The following MED12L variants were observed in gnomAD, a reference collection of about 807,000 sequenced individuals.
The protein encoded by MED12L is mediator complex subunit 12L.
In MED12L, 60 loss-of-function variants were observed where a neutral mutation model predicts 281.3. That is an observed-to-expected ratio of 0.21 (90% CI 0.17 to 0.26). The LOEUF (loss-of-function observed/expected upper bound fraction) is 0.26. Among genes scored for constraint, MED12L ranks in the 10% least tolerant of loss-of-function variants. The pLI is 1.00. For missense variants in MED12L, 2,146 were observed against 2,680.9 expected (o/e 0.80, Z 4.41); for synonymous variants, 974 against 987.2 (o/e 0.99, Z 0.25).
chr3:151,342,213 A>G (rs949639280), intron 16 of MED12L, among the ~76,000 whole-genome samples: 6 of 152,240 alleles, frequency 3.9e-5, no homozygotes, highest in South Asian at 2.1e-4. Context: ...AAGTGTTCCT[A>G]TTTCTCCACA....
intron 2 of MED12L, among the ~76,000 whole-genome samples, chr3:151,101,156 C>T (rs947807233): frequency 6.6e-6 from 1 of 152,124 alleles, no homozygotes; most frequent in African/African-American, 2.4e-5. Flanking sequence ...AAGTTAATGT[C>T]GGTTTACCTA....
At chr3:151,265,153 T>C (rs1166851414) in intron 16 of MED12L, among the ~76,000 whole-genome samples, 1 of 152,194 alleles carries the variant, frequency 6.6e-6, no homozygotes, top group East Asian at 1.9e-4. Context: ...CCTAGAGCAG[T>C]ATCTGGCACA....
intron 43 of MED12L, among the ~76,000 whole-genome samples, chr3:151,422,430 C>G (rs563171776): frequency 6.6e-6 from 1 of 152,202 alleles, no homozygotes; most frequent in African/African-American, 2.4e-5. Context: ...TGGTGGCTCG[C>G]TGGGACTCTT....
At chr3:151,360,771 G>GACAGGGACAAT (rs1321500791) in intron 21 of MED12L, among the ~76,000 whole-genome samples, 166 bp downstream of exon 21, 9 of 152,170 alleles carry the variant, frequency 5.9e-5, no homozygotes, top group Admixed American at 2.0e-4. Context: ...TATTAAAATA[G>GACAGGGACAAT]ACAGGGACAA....
intron 27 of MED12L, among the ~76,000 whole-genome samples, chr3:151,374,055 TTC>T (rs1223869327): frequency 6.6e-6 from 1 of 152,136 alleles, no homozygotes; most frequent in Non-Finnish European, 1.5e-5. Flanking sequence ...CACAAAGTTG[TTC>T]TGTGTTTTCC....
At chr3:151,146,944 C>T (rs937048579) in intron 5 of MED12L, among the ~76,000 whole-genome samples, 1 of 152,162 alleles carries the variant, frequency 6.6e-6, no homozygotes, top group African/African-American at 2.4e-5. Context: ...CAGCAGTTTT[C>T]ATTTGGGCTA....
At chr3:151,360,087 G>A (rs571365357) in intron 20 of MED12L, among the ~76,000 whole-genome samples, 1 of 152,218 alleles carries the variant, frequency 6.6e-6, no homozygotes, top group South Asian at 2.1e-4. Context: ...CTTTACAAAG[G>A]AGAAAACTTG....
Position 151,394,519 on chromosome 3 carries a change from G to T in MED12L, c.5609-137G>T. ...ACTCAACAGGTCTATAATATTTGTG[G>T]CAGGTGGGACAGTGCATTTTTTTCT... On this transcript the variant is annotated intron_variant, in intron 38 of 44. Transcript: ENST00000687756. 3.1e-6 allele frequency: 4 copies of T among 1,302,162 alleles called. No homozygotes were observed. In the South Asian group the frequency reaches 5.8e-5, roughly 19 times the overall value. 80.7% of individuals were successfully genotyped at this position (1,302,162 alleles called of 1,614,324 possible).
intron 16 of MED12L, among the ~76,000 whole-genome samples, chr3:151,224,019 C>T (rs1347377987): frequency 1.3e-5 from 2 of 152,124 alleles, no homozygotes; most frequent in Non-Finnish European, 2.9e-5. Context: ...ATCAAATATG[C>T]CTAATATTAC....
intron 16 of MED12L, among the ~76,000 whole-genome samples, chr3:151,263,763 AC>A (rs140276177): frequency 0.53 from 80,936 of 151,776 alleles, 22,113 homozygotes; most frequent in Middle Eastern, 0.68. Context: ...TTCCCGTACC[AC>A]CCCCCCCACT....
chr3:151,325,935 T>A (rs1560029957), intron 16 of MED12L, among the ~76,000 whole-genome samples: 2 of 152,318 alleles, frequency 1.3e-5, no homozygotes, highest in East Asian at 3.9e-4. Flanking sequence ...TTTAGTGGCA[T>A]CCCTAATAGT....
At chr3:151,332,238 A>C (rs1241357353) in intron 16 of MED12L, among the ~76,000 whole-genome samples, 1 of 152,222 alleles carries the variant, frequency 6.6e-6, no homozygotes, top group Non-Finnish European at 1.5e-5. Flanking sequence ...TGACAGTCCA[A>C]GGCCCAGTAC....
intron 16 of MED12L, chr3:151,193,895 T>C: frequency 4.5e-6 from 2 of 445,622 alleles, no homozygotes; most frequent in South Asian, 7.1e-5. Context: ...AAATTTTCTA[T>C]GTTAGTATCC....
chr3:151,126,276 C>T (rs756806777), intron 4 of MED12L, among the ~76,000 whole-genome samples: 5 of 152,028 alleles, frequency 3.3e-5, no homozygotes, highest in Non-Finnish European at 7.4e-5. Flanking sequence ...CTCCTAGGCT[C>T]AAGTGATCCA....
chr3:151,328,397 A>G (rs1355485131), intron 16 of MED12L: 1 of 1,613,838 alleles, frequency 6.2e-7, no homozygotes, highest in Admixed American at 1.7e-5. Context: ...TAGGATAAAA[A>G]CAGTCCAGAA....
At chr3:151,432,258 G>T (rs765234882) in intron 44 of MED12L, among the ~76,000 whole-genome samples, 3 of 152,184 alleles carry the variant, frequency 2.0e-5, no homozygotes, top group Admixed American at 6.5e-5. Context: ...ATAGGCACAC[G>T]CTTGAGTCAT....
At chr3:151,376,750 T>C in intron 28 of MED12L, 50 bp from the exon 29 acceptor site, 1 of 1,445,328 alleles carries the variant, frequency 6.9e-7, no homozygotes, top group East Asian at 2.3e-5. Context: ...ATTACTGTAT[T>C]TTAACACATT....
chr3:151,385,191 G>T lies in MED12L; in HGVS notation c.5088G>T (p.Gln1696His). ...GATTTGACTCTATAGATAAAAAACA[G>T]GCAAGAGTGAATGTTTTTTCTTATA... The part of the protein sequence containing the change: ...IAGFDSIDKK[Q>H]GLQVSTKQKV... The change falls in exon 36 of 45, where the codon CAG becomes CAT. Residue 1696 changes from glutamine to histidine, a missense_variant and splice_region_variant. Gln to His is a conservative substitution (Grantham distance 24, BLOSUM62 0). Transcript: ENST00000687756. The T allele has an allele frequency of 2.3e-6, 3 of 1,331,300 alleles. No homozygotes were observed. The highest frequency in any genetic ancestry group is 2.1e-6 in the Non-Finnish European group (2 of 957,010). The allele number at this position is 1,331,300 out of a possible 1,614,324, so 82.5% of individuals were successfully genotyped here. A position where few individuals can be genotyped will look rare whatever the true frequency, so the allele number is the denominator to read the frequency against.
At chr3:151,429,343 G>GC (rs1189862221) in intron 43 of MED12L, among the ~76,000 whole-genome samples, 1 of 152,210 alleles carries the variant, frequency 6.6e-6, no homozygotes, top group African/African-American at 2.4e-5. Flanking sequence ...CACACAGGCA[G>GC]CCTGGTGAGC....
Sources: gnomAD v4.1 joint callset for allele counts (sites outside exome capture counted in the v4.1 genomes callset) on GRCh38, gnomAD v4.1.1 for gene constraint, MANE v1.5 for transcripts, NCBI Gene and HGNC (gene_info 2026-07-23, HGNC 2026-07-21) for gene names.